TBC1D1: variants seen among roughly 807,000 people sequenced by gnomAD.
TBC1D1 encodes the protein TBC1 domain family member 1.
A neutral mutation model predicts 125.6 loss-of-function variants in TBC1D1; 89 were observed. The observed-to-expected ratio is 0.71, with a 90% CI of 0.60 to 0.85. The LOEUF (loss-of-function observed/expected upper bound fraction) is 0.85. TBC1D1 is among the 40% of genes least tolerant of loss of function. The pLI, the probability that TBC1D1 is intolerant of heterozygous loss-of-function variation, is 0.00. For missense variants in TBC1D1, 1,377 were observed against 1,469.2 expected (o/e 0.94, Z 1.03); for synonymous variants, 565 against 564.1 (o/e 1.00, Z -0.02).
chr4:38,027,293 A>T (rs1160864040), intron 6 of TBC1D1, among the ~76,000 whole-genome samples: 3 of 152,234 alleles, frequency 2.0e-5, no homozygotes, highest in Admixed American at 6.5e-5. Flanking sequence ...AGAGCTCAGA[A>T]GATGATGACA....
At chr4:37,912,890 T>C (rs1317434205) in intron 2 of TBC1D1, among the ~76,000 whole-genome samples, 1 of 152,164 alleles carries the variant, frequency 6.6e-6, no homozygotes, top group African/African-American at 2.4e-5. Context: ...TATTTTGTTA[T>C]GGCAGCACAA....
chr4:38,048,294 T>C (rs1020726854), intron 10 of TBC1D1, among the ~76,000 whole-genome samples: 14 of 152,202 alleles, frequency 9.2e-5, no homozygotes, highest in Non-Finnish European at 2.9e-5. Flanking sequence ...GTTAGCTCTT[T>C]GATATGATTT....
intron 2 of TBC1D1, among the ~76,000 whole-genome samples, chr4:37,998,286 C>T (rs1350869602): frequency 1.3e-5 from 2 of 152,192 alleles, no homozygotes; most frequent in Admixed American, 6.5e-5. Context: ...TTCTTGAGGA[C>T]GAAGGCAGGT....
intron 2 of TBC1D1, among the ~76,000 whole-genome samples, chr4:37,923,606 G>A (rs184298166): frequency 3.9e-5 from 6 of 151,914 alleles, no homozygotes; most frequent in Non-Finnish European, 7.4e-5. Flanking sequence ...TAATTCCATC[G>A]AGGTGAGTGG....
At position 38,103,020 on chromosome 4, in the gene TBC1D1, G is replaced by T. The variant is rs1330791434; in HGVS notation, c.2420G>T (p.Gly807Val). Residue 807 changes from glycine (G) to valine (V), a missense_variant, in exon 15 of 20, where the codon GGT becomes GTT. This residue lies in a region of TBC1D1 where 543 missense variants were observed against 613.5 expected (regional missense o/e 0.89). Coordinates refer to ENST00000261439, the MANE Select transcript of TBC1D1 (RefSeq NM_015173.4). Reference sequence around the variant, plus strand: ...AAAGGTGTGCCACGTCATCACCGAGGTGAAATCTGGAAATTTCTAGCTGAG... The same window carrying T: ...AAAGGTGTGCCACGTCATCACCGAGTTGAAATCTGGAAATTTCTAGCTGAG... The T allele has an allele frequency of 1.2e-6, 2 of 1,614,062 alleles. No homozygotes were observed. Among genetic ancestry groups the T allele is most frequent in the Non-Finnish European group, 1.7e-6 (2 of 1,180,014 alleles).
At chr4:37,919,886 G>A (rs1720558342) in intron 2 of TBC1D1, among the ~76,000 whole-genome samples, 1 of 152,164 alleles carries the variant, frequency 6.6e-6, no homozygotes, top group Non-Finnish European at 1.5e-5. Context: ...GCCGAGGGGG[G>A]CGGATCATGA....
chr4:38,133,223 G>A lies in TBC1D1; in HGVS notation c.3272G>A (p.Arg1091His), dbSNP rs376683121. ...TTAGAGAAAACCAACAGCAGCTTAC[G>A]CAAACAGAACCTTGACCTCCTTGAA... is the stretch of plus-strand genomic sequence containing the variant. The change falls in exon 19 of 20, where the codon CGC becomes CAC. Residue 1091 changes from arginine (R) to histidine (H), a missense_variant. By Grantham distance (29) the Arg-to-His change is conservative (BLOSUM62 0). Around this residue, in one of 3 missense-constraint regions of TBC1D1, gnomAD observed 543 missense variants for 613.5 expected, o/e 0.89. Transcript: ENST00000261439. 5.7e-5 allele frequency: 92 copies of A among 1,613,966 alleles called. No individual in the cohort carries two copies. In the Middle Eastern group the frequency reaches 9.9e-4, roughly 17 times the overall value.
intron 1 of TBC1D1, among the ~76,000 whole-genome samples, chr4:37,900,158 T>C (rs1323643251): frequency 2.0e-5 from 3 of 148,770 alleles, no homozygotes. Context: ...AAGGAAGGTG[T>C]GGCCAAGATT....
At position 38,014,788 on chromosome 4, in the gene TBC1D1, C is replaced by T; in HGVS notation, c.697C>T (p.Arg233Cys). The T allele has an allele frequency of 2.5e-6, 4 of 1,609,354 alleles. No individual in the cohort carries two copies. The highest frequency in any genetic ancestry group is 1.1e-5 in the South Asian group (1 of 90,920). ...CCAGGAGCCTGTGCGCAGGCCCATGCGCAAGTCCTTCTCCCAGCCCGGCCT... is the reference window on the plus strand; with the variant it reads ...CCAGGAGCCTGTGCGCAGGCCCATGTGCAAGTCCTTCTCCCAGCCCGGCCT... The change falls in exon 3 of 20, where the codon CGC becomes TGC. Residue 233 changes from arginine to cysteine, a missense_variant. Arg to Cys is a radical substitution (Grantham distance 180). This residue lies in a region of TBC1D1 where 822 missense variants were observed against 824.6 expected (regional missense o/e 1.00). Transcript: ENST00000261439. This position sits in a 1 kb window ranked among gnomAD's most constrained non-coding sequence, Gnocchi z 5.1.
intron 12 of TBC1D1, among the ~76,000 whole-genome samples, chr4:38,066,277 T>C (rs1369603634): frequency 6.6e-6 from 1 of 152,028 alleles, no homozygotes; most frequent in Non-Finnish European, 1.5e-5. Flanking sequence ...TTTTTTTTTT[T>C]TTTTTAGCAA....
intron 6 of TBC1D1, among the ~76,000 whole-genome samples, chr4:38,023,349 T>C (rs1361975217): frequency 6.6e-6 from 1 of 152,200 alleles, no homozygotes; most frequent in Non-Finnish European, 1.5e-5. Flanking sequence ...TAAAAACATA[T>C]GTAACACAAA....
intron 2 of TBC1D1, among the ~76,000 whole-genome samples, chr4:37,971,236 T>C (rs1258297786): frequency 1.3e-5 from 2 of 152,168 alleles, no homozygotes; most frequent in Non-Finnish European, 2.9e-5. Context: ...GAGATTTCTG[T>C]AGGGATACTG....
chr4:38,013,686 G>C (rs1403155361), intron 2 of TBC1D1, among the ~76,000 whole-genome samples: 2 of 152,216 alleles, frequency 1.3e-5, no homozygotes, highest in Non-Finnish European at 2.9e-5. Flanking sequence ...AACCTTCTCA[G>C]AGGTTAATGA....
At chr4:38,074,973 C>A (rs959703540) in intron 12 of TBC1D1, among the ~76,000 whole-genome samples, 1 of 152,182 alleles carries the variant, frequency 6.6e-6, no homozygotes, top group African/African-American at 2.4e-5. Context: ...GTTGTCCAGA[C>A]TAGTCTTGAA....
At chr4:38,034,701 G>A (rs1285376589) in intron 7 of TBC1D1, among the ~76,000 whole-genome samples, 1 of 152,178 alleles carries the variant, frequency 6.6e-6, no homozygotes, top group Non-Finnish European at 1.5e-5. Context: ...AGTAGGGAGA[G>A]GGGAGGAACA....
intron 7 of TBC1D1, among the ~76,000 whole-genome samples, chr4:38,031,870 T>C (rs542244786): frequency 6.6e-6 from 1 of 152,386 alleles, no homozygotes; most frequent in South Asian, 2.1e-4. Flanking sequence ...TAATTTAGTT[T>C]TGTTACTTTT....
At chr4:38,078,456 T>TC (rs1431891417) in intron 12 of TBC1D1, among the ~76,000 whole-genome samples, 4 of 152,250 alleles carry the variant, frequency 2.6e-5, no homozygotes, top group African/African-American at 9.6e-5. Context: ...AACATTTGTG[T>TC]CCCCCCAAAA....
At chr4:38,059,522 G>A (rs1752376383) in intron 12 of TBC1D1, among the ~76,000 whole-genome samples, 1 of 152,170 alleles carries the variant, frequency 6.6e-6, no homozygotes. Context: ...TGCTTTAAGT[G>A]TGGCAGTCAC....
chr4:37,906,755 AT>A (rs1181558863), intron 2 of TBC1D1, among the ~76,000 whole-genome samples: 1 of 152,194 alleles, frequency 6.6e-6, no homozygotes, highest in African/African-American at 2.4e-5. Context: ...AATAATATGC[AT>A]TTTTCATGAA....
Sources: allele counts gnomAD v4.1 joint callset (sites outside exome capture counted in the v4.1 genomes callset), GRCh38; gene constraint gnomAD v4.1.1; regional missense constraint gnomAD v4.1.1; non-coding constraint Gnocchi (gnomAD v3.1); transcripts MANE v1.5; gene names NCBI Gene and HGNC (gene_info 2026-07-23, HGNC 2026-07-21).